ZDHHC23: variants seen among roughly 807,000 people sequenced by gnomAD.
ZDHHC23 encodes the protein zDHHC palmitoyltransferase 23.
A neutral mutation model predicts 40.2 loss-of-function variants in ZDHHC23; 41 were observed. The observed-to-expected ratio is 1.02, with a 90% confidence interval of 0.79 to 1.32. The LOEUF (loss-of-function observed/expected upper bound fraction) is 1.32. Ranked by LOEUF, ZDHHC23 falls within the 40% of genes most tolerant of loss-of-function variation. The pLI is 0.00. For missense variants in ZDHHC23, 471 were observed against 541.5 expected (o/e 0.87, Z 1.29); for synonymous variants, 204 against 210.2 (o/e 0.97, Z 0.26).
chr3:113,969,403 T>C (rs1940570656), downstream of ZDHHC23, among the ~76,000 whole-genome samples: 1 of 152,212 alleles, frequency 6.6e-6, no homozygotes, highest in African/African-American at 2.4e-5. Context: ...TTTTGAGGTC[T>C]TACACAAAAA....
chr3:113,972,882 C>G, the ZDHHC23 span, among the ~76,000 whole-genome samples: 1 of 152,058 alleles, frequency 6.6e-6, no homozygotes, highest in Non-Finnish European at 1.5e-5. Flanking sequence ...GCTATTCCTG[C>G]TGTGTTTTTG....
rs1251787783 is a variant in ZDHHC23, at chr3:113,961,432, A to G, written c.*2802A>G. On this transcript the variant is annotated 3_prime_UTR_variant, in exon 5 of 5. Coordinates refer to ENST00000638807, the MANE Select transcript of ZDHHC23 (RefSeq NM_001320466.2). ...GCATGAAAGAAGAAAATCCTTCAAT[A>G]TTTAAAATGTTTCTTACAATACCCA... 6.5e-6 allele frequency: 1 copy of G among 152,678 alleles called. No homozygotes were observed. The highest frequency in any genetic ancestry group is 1.5e-5 in the Non-Finnish European group (1 of 68,054). The allele number at this position is 152,678 out of a possible 1,614,324, so 9.5% of individuals were successfully genotyped here. A position where few individuals can be genotyped will look rare whatever the true frequency, so the allele number is the denominator to read the frequency against.
the ZDHHC23 span, among the ~76,000 whole-genome samples, chr3:113,971,014 G>A: frequency 6.6e-6 from 1 of 152,102 alleles, no homozygotes; most frequent in Non-Finnish European, 1.5e-5. Flanking sequence ...TGTGAATAGT[G>A]CCGCAATAAA....
At chr3:113,956,158 C>G (rs1442853000) in intron 3 of ZDHHC23, among the ~76,000 whole-genome samples, 181 bp from the exon 4 acceptor site, 1 of 152,160 alleles carries the variant, frequency 6.6e-6, no homozygotes, top group African/African-American at 2.4e-5. Flanking sequence ...AGGAGAATTG[C>G]TTAACCGGGA....
chr3:113,960,423 A>G lies in ZDHHC23; in HGVS notation c.*1793A>G. 2 of 1,287,614 alleles carry G rather than the reference A, an allele frequency of 1.6e-6. No homozygotes were observed. Among genetic ancestry groups the G allele is most frequent in the Non-Finnish European group, 2.0e-6 (2 of 1,020,296 alleles). 79.8% of individuals were successfully genotyped at this position (1,287,614 alleles called of 1,614,324 possible). On this transcript the variant is annotated 3_prime_UTR_variant, in exon 5 of 5. Coordinates refer to ENST00000638807, the MANE Select transcript of ZDHHC23 (RefSeq NM_001320466.2). Reference sequence around the variant, plus strand: ...ATTAAAGTTGGATTTGATATAACAAATTTCTTTCTATACAGGTTTTACATA... The same window carrying G: ...ATTAAAGTTGGATTTGATATAACAAGTTTCTTTCTATACAGGTTTTACATA...
the ZDHHC23 span, chr3:113,978,776 G>T: frequency 2.2e-4 from 320 of 1,433,410 alleles, no homozygotes; most frequent in Non-Finnish European, 3.0e-4. Flanking sequence ...TAATGACCCT[G>T]GACATTCTGG....
At chr3:113,954,649 T>C (rs1938999420) in intron 3 of ZDHHC23, among the ~76,000 whole-genome samples, 1 of 151,976 alleles carries the variant, frequency 6.6e-6, no homozygotes, top group South Asian at 2.1e-4. Context: ...TTTTTTTTTC[T>C]CAATTTTCTT....
At chr3:113,949,946 A>C (rs1470140071) in intron 2 of ZDHHC23, among the ~76,000 whole-genome samples, 1 of 152,216 alleles carries the variant, frequency 6.6e-6, no homozygotes, top group Non-Finnish European at 1.5e-5. Context: ...ATTTAGTCTG[A>C]AATCTATACT....
chr3:113,969,878 C>T (rs570463898), downstream of ZDHHC23, among the ~76,000 whole-genome samples: 1 of 151,950 alleles, frequency 6.6e-6, no homozygotes, highest in East Asian at 1.9e-4. Flanking sequence ...TTTCTATTTC[C>T]GTGAAGAATG....
intron 2 of ZDHHC23, among the ~76,000 whole-genome samples, chr3:113,952,514 T>C (rs1938773641): frequency 6.6e-6 from 1 of 152,328 alleles, no homozygotes; most frequent in South Asian, 2.1e-4. Flanking sequence ...TCAGATAGTC[T>C]AGGATTTTTC....
chr3:113,948,402 T>G (rs1183589560), intron 1 of ZDHHC23: 1 of 200,428 alleles, frequency 5.0e-6, no homozygotes, highest in Non-Finnish European at 1.0e-5. Flanking sequence ...CGAGGCTGAG[T>G]TCCCACCAGC....
chr3:113,958,833 GC>G lies in ZDHHC23; in HGVS notation c.*205del. ...TTTATACTGAGGCAGTAAAAGTAGA[GC>G]CATTCCTTTCCAGTCACCTTTTTAA... On this transcript the variant is annotated 3_prime_UTR_variant, in exon 5 of 5. Coordinates refer to ENST00000638807, the MANE Select transcript of ZDHHC23 (RefSeq NM_001320466.2). 1 of 1,405,184 alleles carries G rather than the reference GC, an allele frequency of 7.1e-7. No homozygotes were observed. The highest frequency in any genetic ancestry group is 9.4e-7 in the Non-Finnish European group (1 of 1,064,142). 87.0% of individuals were successfully genotyped at this position (1,405,184 alleles called of 1,614,324 possible).
chr3:113,952,548 C>G (rs2107459083), intron 2 of ZDHHC23, among the ~76,000 whole-genome samples: 1 of 152,360 alleles, frequency 6.6e-6, no homozygotes, highest in Middle Eastern at 3.4e-3. Context: ...CCACACTCTT[C>G]TAACCTCTAC....
chr3:113,956,470 C>T lies in ZDHHC23; in HGVS notation c.1004C>T (p.Ala335Val), dbSNP rs753909907. 2 of 1,614,128 alleles carry T rather than the reference C, an allele frequency of 1.2e-6. No homozygotes were observed. The highest frequency in any genetic ancestry group is 1.7e-5 in the Admixed American group (1 of 60,014). The change falls in exon 4 of 5, where the codon GCT (alanine) becomes GTT (valine). Residue 335 changes from alanine (A) to valine (V), a missense_variant. By Grantham distance (64) the Ala-to-Val change is moderately conservative (BLOSUM62 0). This residue lies in a region of ZDHHC23 where 346 missense variants were observed against 399.8 expected (regional missense o/e 0.87). Transcript: ENST00000638807. ...TICRDRSVFTALFYCPGVYAN... is the reference protein window; with the variant it reads ...TICRDRSVFTVLFYCPGVYAN... ...TGTAGAGACAGAAGTGTCTTCACAG[C>T]TCTTTTCTATTGTCCTGGAGTTTAT...
intron 4 of ZDHHC23, among the ~76,000 whole-genome samples, chr3:113,957,271 C>T (rs1403942912): frequency 6.6e-6 from 1 of 152,212 alleles, no homozygotes; most frequent in African/African-American, 2.4e-5. Context: ...TATTCTCACT[C>T]TTCATTTTCA....
downstream of ZDHHC23, chr3:113,964,950 C>T (rs900979899): frequency 4.1e-5 from 16 of 387,336 alleles, no homozygotes; most frequent in Non-Finnish European, 6.4e-5. Flanking sequence ...TTGGATGATC[C>T]CACTGTGATA....
At chr3:113,969,436 T>C (rs140103022), downstream of ZDHHC23, among the ~76,000 whole-genome samples, 42 of 152,324 alleles carry the variant, frequency 2.8e-4, no homozygotes, top group African/African-American at 1.0e-3. Context: ...ACCAGTGGCC[T>C]GGAGCATTGT....
In ZDHHC23 at chr3:113,963,070, A is replaced by C. The variant is rs78111301; in HGVS notation, c.*4440A>C. 6.6e-6 allele frequency: 1 copy of C among 151,744 alleles called. No homozygotes were observed. The highest frequency in any genetic ancestry group is 1.5e-5 in the Non-Finnish European group (1 of 67,972). The allele number at this position is 151,744 out of a possible 1,614,324, so 9.4% of individuals were successfully genotyped here. A position where few individuals can be genotyped will look rare whatever the true frequency, so the allele number is the denominator to read the frequency against. ...CTGTGCTGCCTCTGTGGCTCCCTCAATGTCTCTATCCTGTGGCCCTGTCCC... is the reference window on the plus strand; with the variant it reads ...CTGTGCTGCCTCTGTGGCTCCCTCACTGTCTCTATCCTGTGGCCCTGTCCC... On this transcript the variant is annotated 3_prime_UTR_variant, in exon 5 of 5. Coordinates refer to ENST00000638807, the MANE Select transcript of ZDHHC23 (RefSeq NM_001320466.2).
chr3:113,952,443 C>T (rs553735770), intron 2 of ZDHHC23, among the ~76,000 whole-genome samples: 18 of 152,284 alleles, frequency 1.2e-4, no homozygotes, highest in Admixed American at 9.2e-4. Flanking sequence ...TAGGGATTCT[C>T]GAAGATTGAG....
Sources: allele counts gnomAD v4.1 joint callset (sites outside exome capture counted in the v4.1 genomes callset), GRCh38; gene constraint gnomAD v4.1.1; regional missense constraint gnomAD v4.1.1; transcripts MANE v1.5; gene names NCBI Gene and HGNC (gene_info 2026-07-23, HGNC 2026-07-21).